Variants in NUP210 observed in about 807,000 individuals in gnomAD.
The protein encoded by NUP210 is nucleoporin 210.
In NUP210, 151 loss-of-function variants were observed where a neutral mutation model predicts 196.0. That is an observed-to-expected ratio of 0.77 (90% CI 0.67 to 0.88). The LOEUF (loss-of-function observed/expected upper bound fraction) is 0.88. NUP210 is among the 40% of genes least tolerant of loss of function. The pLI is 0.00. For missense variants in NUP210, 2,314 were observed against 2,493.7 expected (o/e 0.93, Z 1.53); for synonymous variants, 1,070 against 1,052.7 (o/e 1.02, Z -0.32).
At position 13,354,170 on chromosome 3, in the gene NUP210, G is replaced by T. The variant is rs948901110; in HGVS notation, c.2329-63C>A. On this transcript the variant is annotated intron_variant, in intron 16 of 39. Transcript: ENST00000254508. Reference sequence around the variant, plus strand: ...AGGACTGGACCTGGACACTGACCACGCAGTGCACTCTGAGGCCAGCAGCTG... The same window carrying T: ...AGGACTGGACCTGGACACTGACCACTCAGTGCACTCTGAGGCCAGCAGCTG... 3.6e-6 allele frequency: 5 copies of T among 1,398,504 alleles called. No individual in the cohort carries two copies. In the East Asian group the frequency reaches 1.2e-4, roughly 35 times the overall value. The allele number at this position is 1,398,504 out of a possible 1,614,324, so 86.6% of individuals were successfully genotyped here.
Position 13,332,455 on chromosome 3 carries a change from T to C in NUP210, c.3844-71A>G, listed in dbSNP as rs1697035589. On this transcript the variant is annotated intron_variant, in intron 28 of 39. Transcript: ENST00000254508. ...CATTCAGGCCAGATGTCTGCTTCTCTCCTAGCAGCAAGAGCCGAGGAGGGG... is the reference window on the plus strand; with the variant it reads ...CATTCAGGCCAGATGTCTGCTTCTCCCCTAGCAGCAAGAGCCGAGGAGGGG... The C allele has an allele frequency of 2.8e-5, 34 of 1,211,666 alleles. No individual in the cohort carries two copies. In the South Asian group the frequency reaches 3.9e-4, roughly 14 times the overall value. 75.1% of individuals were successfully genotyped at this position (1,211,666 alleles called of 1,614,324 possible).
chr3:13,321,506 C>A, intron 36 of NUP210, 79 bp downstream of exon 36: 1 of 1,482,444 alleles, frequency 6.7e-7, no homozygotes, highest in South Asian at 1.3e-5. Context: ...AGGACATCCA[C>A]ACCACATTCC....
At chr3:13,366,324 GT>G (rs1698534905) in intron 13 of NUP210, among the ~76,000 whole-genome samples, 1 of 151,610 alleles carries the variant, frequency 6.6e-6, no homozygotes, top group Non-Finnish European at 1.5e-5. Flanking sequence ...TAGAGACGGG[GT>G]TTCATCATGT....
chr3:13,397,856 GA>G (rs1467837524), intron 2 of NUP210, among the ~76,000 whole-genome samples: 3 of 152,250 alleles, frequency 2.0e-5, no homozygotes, highest in Non-Finnish European at 4.4e-5. Context: ...CCTTCACTGA[GA>G]TTAGGGATTA....
intron 4 of NUP210, 50 bp downstream of exon 4, chr3:13,391,161 C>A (rs764731569): frequency 7.4e-7 from 1 of 1,351,882 alleles, no homozygotes. Flanking sequence ...CAGGTGTCCC[C>A]CTTTCCCCTT....
Position 13,339,765 on chromosome 3 carries a change from G to A in NUP210, c.3471+89C>T, listed in dbSNP as rs543377279. 34 of 1,204,676 alleles carry A rather than the reference G, an allele frequency of 2.8e-5. 2 individuals are homozygous for A. In the South Asian group the frequency reaches 4.1e-4, roughly 14 times the overall value. The allele number at this position is 1,204,676 out of a possible 1,614,324, so 74.6% of individuals were successfully genotyped here. ...GGGGCAGAAGCAGCACCCTTGGAGA[G>A]GGGTGGTCCTCAGAGGTAGAACTCA... On this transcript the variant is annotated intron_variant, in intron 25 of 39. Transcript: ENST00000254508.
chr3:13,335,330 C>A, intron 28 of NUP210, 124 bp downstream of exon 28: 1 of 1,148,480 alleles, frequency 8.7e-7, no homozygotes, highest in Non-Finnish European at 1.3e-6. Context: ...CACTGTCATC[C>A]CCACGGACTG....
At chr3:13,333,701 G>GC (rs1697093279) in intron 28 of NUP210, among the ~76,000 whole-genome samples, 1 of 152,202 alleles carries the variant, frequency 6.6e-6, no homozygotes, top group Non-Finnish European at 1.5e-5. Context: ...TGACTCGGAT[G>GC]CCCCCTTCCG....
chr3:13,409,740 G>A (rs940765250), intron 1 of NUP210, among the ~76,000 whole-genome samples: 1 of 151,886 alleles, frequency 6.6e-6, no homozygotes, highest in Non-Finnish European at 1.5e-5. Flanking sequence ...AAGGCCACAG[G>A]CCTCCCACCT....
At chr3:13,326,591 C>T (rs1696763512) in intron 32 of NUP210, among the ~76,000 whole-genome samples, 1 of 152,108 alleles carries the variant, frequency 6.6e-6, no homozygotes. Context: ...AATAATTGTA[C>T]ACGTGTTCCA....
rs1184171562 is a variant in NUP210, at chr3:13,371,719, C to T, written c.1786+115G>A. ...GAGACAACTGCCATTCCTTATGTTG[C>T]AGCCCCTCTGCTGCCTCAAGCCCTC... On this transcript the variant is annotated intron_variant, in intron 13 of 39. Transcript: ENST00000254508. 4 of 918,222 alleles carry T rather than the reference C, an allele frequency of 4.4e-6. No individual in the cohort carries two copies. In the East Asian group the frequency reaches 8.0e-5, roughly 18 times the overall value. The allele number at this position is 918,222 out of a possible 1,614,324, so 56.9% of individuals were successfully genotyped here. A position where few individuals can be genotyped will look rare whatever the true frequency, so the allele number is the denominator to read the frequency against.
intron 31 of NUP210, 90 bp downstream of exon 31, chr3:13,328,681 C>T: frequency 1.6e-6 from 2 of 1,259,028 alleles, no homozygotes; most frequent in South Asian, 1.3e-5. Context: ...CTTCCTTCAA[C>T]AGCAGCAGAC....
rs1321348029 is a variant in NUP210 at position 13,360,189 on chromosome 3, G to A, written c.2154+81C>T. The A allele has an allele frequency of 1.1e-5, 13 of 1,195,072 alleles. No homozygotes were observed. In the African/African-American group the frequency reaches 2.0e-4, roughly 18 times the overall value. The allele number at this position is 1,195,072 out of a possible 1,614,324, so 74.0% of individuals were successfully genotyped here. ...GGCTGTCTCTCAGCGTTACTCCAAG[G>A]AGTAAATAAAACAATACTGAGAGAG... On this transcript the variant is annotated intron_variant, in intron 15 of 39. Coordinates refer to ENST00000254508, the MANE Select transcript of NUP210 (RefSeq NM_024923.4).
intron 22 of NUP210, 24 bp from the exon 23 acceptor site, chr3:13,341,907 A>G: frequency 6.2e-7 from 1 of 1,614,040 alleles, no homozygotes; most frequent in East Asian, 2.2e-5. Flanking sequence ...AAGGGCTGGG[A>G]CTTCTCCAAG....
intron 13 of NUP210, among the ~76,000 whole-genome samples, chr3:13,366,812 C>A (rs1040445769): frequency 2.6e-5 from 4 of 151,634 alleles, no homozygotes; most frequent in African/African-American, 7.3e-5. Flanking sequence ...CCACCGCACC[C>A]GGCCCTGATT....
intron 2 of NUP210, among the ~76,000 whole-genome samples, chr3:13,398,395 A>AAC (rs764337355): frequency 3.9e-5 from 6 of 152,202 alleles, no homozygotes; most frequent in Non-Finnish European, 2.9e-5. Flanking sequence ...GTGAGCCAAG[A>AAC]ACACACCACT....
intron 1 of NUP210, among the ~76,000 whole-genome samples, chr3:13,419,398 C>CTCCG (rs1050841405): frequency 2.0e-4 from 31 of 152,340 alleles, no homozygotes; most frequent in African/African-American, 7.5e-4. Context: ...CAGGGTCACA[C>CTCCG]TCCGCATCCG....
intron 1 of NUP210, among the ~76,000 whole-genome samples, chr3:13,406,383 G>C (rs1002596663): frequency 3.3e-5 from 5 of 152,164 alleles, no homozygotes; most frequent in African/African-American, 1.2e-4. Flanking sequence ...GGAACCACTG[G>C]AAGAGGCACG....
rs1308573797 is a variant in NUP210, at chr3:13,354,023, G to A, written c.2413C>T (p.Leu805=). ...EGRRFDNFSS[L]SIQWESTRPV... Reference sequence around the variant, plus strand: ...CTGGTGGACTCCCACTGGATGCTCAGAGAGCTGAAGTTGTCGAACCGGCGG... The same window carrying A: ...CTGGTGGACTCCCACTGGATGCTCAAAGAGCTGAAGTTGTCGAACCGGCGG... The change falls in exon 17 of 40, where the codon CTG becomes TTG. Residue 805 remains leucine, a synonymous_variant. Transcript: ENST00000254508. 3 of 1,609,262 alleles carry A rather than the reference G, an allele frequency of 1.9e-6. No homozygotes were observed. Among genetic ancestry groups the A allele is most frequent in the African/African-American group, 2.7e-5 (2 of 74,886 alleles).
Sources: gnomAD v4.1 joint callset for allele counts (sites outside exome capture counted in the v4.1 genomes callset) on GRCh38, gnomAD v4.1.1 for gene constraint, MANE v1.5 for transcripts, NCBI Gene and HGNC (gene_info 2026-07-23, HGNC 2026-07-21) for gene names.